The following CSMD1 variants were observed in gnomAD, a reference collection of about 807,000 sequenced individuals.
CSMD1 encodes the protein CUB and Sushi multiple domains 1, also known as CUB and sushi domain-containing protein 1.
CSMD1 carries 213 observed loss-of-function variants against 417.5 expected under a neutral mutation model. That is an observed-to-expected ratio of 0.51 (90% confidence interval 0.46 to 0.57). CSMD1 has a LOEUF of 0.57. Among genes scored for constraint, CSMD1 ranks in the 20% least tolerant of loss-of-function variants. The pLI is 0.00. For missense variants in CSMD1, 6,923 were observed against 4,529.7 expected, an observed-to-expected ratio of 1.53 and a Z score of -15.17; for synonymous variants, 2,862 against 1,736.8, an observed-to-expected ratio of 1.65 and a Z score of -16.11.
intron 20 of CSMD1, among the ~76,000 whole-genome samples, chr8:3,366,715 G>C (rs566987328): frequency 1.3e-5 from 2 of 152,142 alleles, no homozygotes; most frequent in African/African-American, 4.8e-5. Context: ...TTTCCTCAGA[G>C]ATCTTGTAGA....
chr8:3,688,073 G>T (rs1383575322), intron 7 of CSMD1, among the ~76,000 whole-genome samples: 1 of 152,174 alleles, frequency 6.6e-6, no homozygotes, highest in Non-Finnish European at 1.5e-5. Flanking sequence ...TGTTCCTCAG[G>T]AAGTTCAGCA....
intron 42 of CSMD1, among the ~76,000 whole-genome samples, chr8:3,117,273 G>A (rs553093301): frequency 2.0e-5 from 3 of 152,118 alleles, no homozygotes; most frequent in South Asian, 4.2e-4. Context: ...GTGTTTCACC[G>A]TGTTAGCCAG....
intron 1 of CSMD1, among the ~76,000 whole-genome samples, chr8:4,898,983 T>G (rs957487302): frequency 6.6e-6 from 1 of 152,180 alleles, no homozygotes; most frequent in African/African-American, 2.4e-5. Context: ...ACGGTAATGA[T>G]ATCTACTTAA....
At chr8:3,637,697 T>A (rs542764274) in intron 7 of CSMD1, among the ~76,000 whole-genome samples, 4 of 152,208 alleles carry the variant, frequency 2.6e-5, no homozygotes, top group African/African-American at 9.6e-5. Context: ...GAATTACCTC[T>A]GGCATACAGG....
At chr8:4,966,347 C>A (rs756639746) in intron 1 of CSMD1, among the ~76,000 whole-genome samples, 1 of 152,116 alleles carries the variant, frequency 6.6e-6, no homozygotes, top group Non-Finnish European at 1.5e-5. Context: ...CCATTGCACT[C>A]CAGCCTGGGC....
At chr8:4,413,216 C>G (rs1285281451) in intron 3 of CSMD1, among the ~76,000 whole-genome samples, 1 of 152,186 alleles carries the variant, frequency 6.6e-6, no homozygotes, top group Non-Finnish European at 1.5e-5. Context: ...GCTCAGTTGA[C>G]TGCAACCATC....
chr8:4,879,006 C>A (rs1803224815), intron 1 of CSMD1, among the ~76,000 whole-genome samples: 1 of 151,728 alleles, frequency 6.6e-6, no homozygotes, highest in Admixed American at 6.6e-5. Flanking sequence ...TGGGTGAGGG[C>A]AAGGGACAGG....
intron 5 of CSMD1, among the ~76,000 whole-genome samples, chr8:3,867,601 A>G (rs1805191769): frequency 1.3e-5 from 2 of 152,134 alleles, no homozygotes; most frequent in South Asian, 4.1e-4. Context: ...CTAAACAAAA[A>G]TTTTAATCTA....
intron 2 of CSMD1, among the ~76,000 whole-genome samples, chr8:4,441,097 T>TTTTTTTTTTTTTTTTTTTTTTG: frequency 1.1e-5 from 1 of 91,746 alleles, no homozygotes; most frequent in Non-Finnish European, 2.2e-5. Flanking sequence ...ATCAAAAGGT[T>TTTTTTTTTTTTTTTTTTTTTTG]TTTTTTTTTT....
chr8:4,484,109 G>A (rs1002952722), intron 2 of CSMD1, among the ~76,000 whole-genome samples: 1 of 151,944 alleles, frequency 6.6e-6, no homozygotes, highest in East Asian at 1.9e-4. Context: ...AGGAGAGCTG[G>A]GGTCATGAGG....
At chr8:3,079,462 A>C (rs914926215) in intron 49 of CSMD1, among the ~76,000 whole-genome samples, 1 of 152,168 alleles carries the variant, frequency 6.6e-6, no homozygotes, top group Non-Finnish European at 1.5e-5. Context: ...CACAAAACAG[A>C]GGAGAAGATT....
chr8:3,272,709 C>A (rs34270713), intron 26 of CSMD1, among the ~76,000 whole-genome samples: 21,015 of 125,950 alleles, frequency 0.17, 1,983 homozygotes, highest in East Asian at 0.22. Context: ...AATGGGAGTT[C>A]ACTCCTGATT....
intron 69 of CSMD1, 89 bp downstream of exon 69, chr8:2,942,383 T>A (rs1384812874): frequency 9.1e-7 from 1 of 1,096,660 alleles, no homozygotes; most frequent in Non-Finnish European, 1.3e-6. Flanking sequence ...ATAAAATACA[T>A]GTGCATGTGA....
chr8:4,952,394 C>T (rs7818617), intron 1 of CSMD1, among the ~76,000 whole-genome samples: 123,935 of 151,938 alleles, frequency 0.82, 50,735 homozygotes, highest in Admixed American at 0.87. Flanking sequence ...CAGTTTCACA[C>T]TTAAAAATTG....
chr8:4,054,070 C>A (rs1228686585), intron 3 of CSMD1, among the ~76,000 whole-genome samples: 1 of 152,138 alleles, frequency 6.6e-6, no homozygotes, highest in Non-Finnish European at 1.5e-5. Flanking sequence ...CTACTCCTAT[C>A]TCTCTCTGTC....
chr8:4,962,417 C>A (rs1346788706), intron 1 of CSMD1, among the ~76,000 whole-genome samples: 1 of 151,966 alleles, frequency 6.6e-6, no homozygotes, highest in East Asian at 1.9e-4. Context: ...TTCTATGTCG[C>A]CAAAGCTGGC....
At chr8:3,980,073 T>G (rs527856573) in intron 5 of CSMD1, among the ~76,000 whole-genome samples, 1 of 152,312 alleles carries the variant, frequency 6.6e-6, no homozygotes, top group East Asian at 1.9e-4. Context: ...AAGTAACATC[T>G]TCTATTCCTA....
At chr8:3,367,501 A>C (rs10111652) in intron 19 of CSMD1, among the ~76,000 whole-genome samples, 1 of 151,890 alleles carries the variant, frequency 6.6e-6, no homozygotes, top group Non-Finnish European at 1.5e-5. Flanking sequence ...AGAGGTAACA[A>C]TTGCTGAAAA....
intron 49 of CSMD1, among the ~76,000 whole-genome samples, chr8:3,066,544 AT>A (rs746434459): frequency 6.6e-6 from 1 of 152,234 alleles, no homozygotes; most frequent in Non-Finnish European, 1.5e-5. Context: ...TTCTTGAGTA[AT>A]CATGGCTTCC....
Sources: gnomAD v4.1 joint callset for allele counts (sites outside exome capture counted in the v4.1 genomes callset) on GRCh38, gnomAD v4.1.1 for gene constraint, MANE v1.5 for transcripts, NCBI Gene and HGNC (gene_info 2026-07-23, HGNC 2026-07-21) for gene names.